ZNF23: variants seen among roughly 807,000 people sequenced by gnomAD.
The protein encoded by ZNF23 is kruppel-like zinc finger factor X31.
In ZNF23, 48 loss-of-function variants were observed where a neutral mutation model predicts 56.2. The observed-to-expected ratio is 0.85, with a 90% CI of 0.68 to 1.09. ZNF23 has a LOEUF of 1.09. ZNF23 is among the 50% of genes least tolerant of loss of function. The pLI, the probability that ZNF23 is intolerant of heterozygous loss-of-function variation, is 0.00. For missense variants in ZNF23, 805 were observed against 811.4 expected (o/e 0.99, Z 0.10); for synonymous variants, 266 against 283.3 (o/e 0.94, Z 0.61).
chr16:71,461,247 G>A (rs561601220), intron 1 of ZNF23, among the ~76,000 whole-genome samples: 15 of 152,142 alleles, frequency 9.9e-5, no homozygotes, highest in African/African-American at 3.6e-4. Context: ...TAATTGGGTG[G>A]TGTGTTCATG....
At chr16:71,460,135 G>GCAACAGCATTTAAA (rs2043388690) in intron 1 of ZNF23, among the ~76,000 whole-genome samples, 1 of 152,192 alleles carries the variant, frequency 6.6e-6, no homozygotes, top group Non-Finnish European at 1.5e-5. Context: ...TCGTTTAAAT[G>GCAACAGCATTTAAA]CAGTAGGCAA....
Position 71,448,645 on chromosome 16 carries a change from A to T in ZNF23, c.1509T>A (p.Asn503Lys). The T allele has an allele frequency of 6.2e-7, 1 of 1,614,036 alleles. No homozygotes were observed. Among genetic ancestry groups the T allele is most frequent in the Non-Finnish European group, 8.5e-7 (1 of 1,180,016 alleles). ...TTCTCTGATGCCGCATTAGTTTCCC[A>T]TTAACGCTGAAGGCCTTTCCACACT... ...CNECGKAFSV[N>K]GKLMRHQRIH... Residue 503 changes from asparagine (N) to lysine (K), a missense_variant, in exon 5 of 5, where the codon AAT becomes AAA. Coordinates refer to ENST00000647773, the MANE Select transcript of ZNF23 (RefSeq NM_001381984.1).
At position 71,450,204 on chromosome 16, in the gene ZNF23, T is replaced by G. The variant is rs113267752; in HGVS notation, c.269-319A>C. Reference sequence around the variant, plus strand: ...AAAGACAGATATATATATTTGTACATACCTAGAAAACTTCTAGAAGAATCC... The same window carrying G: ...AAAGACAGATATATATATTTGTACAGACCTAGAAAACTTCTAGAAGAATCC... On this transcript the variant is annotated intron_variant, in intron 4 of 4. Transcript: ENST00000647773. 141 of 192,598 alleles carry G rather than the reference T, an allele frequency of 7.3e-4. 1 individual carries two copies. The highest frequency in any genetic ancestry group is 2.8e-3 in the African/African-American group (119 of 42,854). 11.9% of individuals were successfully genotyped at this position (192,598 alleles called of 1,614,324 possible). A position where few individuals can be genotyped will look rare whatever the true frequency, so the allele number is the denominator to read the frequency against.
rs192993651 is a variant in ZNF23, at chr16:71,454,327, G to C, written c.34-159C>G. On this transcript the variant is annotated intron_variant, in intron 2 of 4. Transcript: ENST00000647773. ...ATCTCAGAAAAAAAATATCGAGAAA[G>C]TAAACTACAAAGTATCCACATTCTC... The C allele has an allele frequency of 3.0e-6, 3 of 991,186 alleles. No individual in the cohort carries two copies. In the East Asian group the frequency reaches 8.6e-5, roughly 28 times the overall value. The allele number at this position is 991,186 out of a possible 1,614,324, so 61.4% of individuals were successfully genotyped here. A position where few individuals can be genotyped will look rare whatever the true frequency, so the allele number is the denominator to read the frequency against.
rs2042985227 is a variant in ZNF23, at chr16:71,449,735, T to C, written c.419A>G (p.Asn140Ser). ...GGTGTTGCTCTTCTCCTTCTTTATATTTCCTGCTGAGTGGACTTCCTGTTG... is the reference window on the plus strand; with the variant it reads ...GGTGTTGCTCTTCTCCTTCTTTATACTTCCTGCTGAGTGGACTTCCTGTTG... ...EKQQEVHSAG[N>S]IKKEKSNTID... Residue 140 changes from asparagine to serine, a missense_variant, in exon 5 of 5, where the codon AAT becomes AGT. Asn to Ser is a conservative substitution (Grantham distance 46). Transcript: ENST00000647773. 2 of 1,614,096 alleles carry C rather than the reference T, an allele frequency of 1.2e-6. No individual in the cohort carries two copies. Among genetic ancestry groups the C allele is most frequent in the East Asian group, 4.5e-5 (2 of 44,886 alleles).
At chr16:71,455,854 T>C (rs1162799034) in intron 2 of ZNF23, among the ~76,000 whole-genome samples, 1 of 152,216 alleles carries the variant, frequency 6.6e-6, no homozygotes, top group East Asian at 1.9e-4. Context: ...AGCTGTCTTA[T>C]GGCTAAGCAG....
chr16:71,456,368 C>T (rs552636630), intron 2 of ZNF23, among the ~76,000 whole-genome samples: 1 of 152,156 alleles, frequency 6.6e-6, no homozygotes, highest in South Asian at 2.1e-4. Flanking sequence ...CTTCTCTGAT[C>T]AGGTCCTGCT....
Position 71,449,397 on chromosome 16 carries a change from T to C in ZNF23, c.757A>G (p.Lys253Glu). ...ECGKAFSINE[K>E]LIWHQRLHSG... is the part of the protein sequence containing the mutation. ...TGAAGTCTCTGATGCCAAATTAATT[T>C]CTCATTAATGCTGAAAGCTTTGCCA... The change falls in exon 5 of 5, where the codon AAA (lysine) becomes GAA (glutamate). Residue 253 changes from lysine to glutamate, a missense_variant. Physicochemically the swap from Lys to Glu is moderately conservative, Grantham distance 56 (BLOSUM62 1). Transcript: ENST00000647773. 1 of 1,614,252 alleles carries C rather than the reference T, an allele frequency of 6.2e-7. No individual in the cohort carries two copies. Among genetic ancestry groups the C allele is most frequent in the Admixed American group, 1.7e-5 (1 of 60,034 alleles).
chr16:71,454,259 G>A (rs1596999557), intron 2 of ZNF23, 91 bp from the exon 3 acceptor site: 3 of 1,473,170 alleles, frequency 2.0e-6, no homozygotes, highest in African/African-American at 2.8e-5. Flanking sequence ...CTTGGGGAGG[G>A]TGCTTGTGAG....
At chr16:71,453,795 G>A (rs2043133504) in intron 3 of ZNF23, 1 of 578,704 alleles carries the variant, frequency 1.7e-6, no homozygotes, top group African/African-American at 1.9e-5. Flanking sequence ...GGATTCCAGT[G>A]TTTCCAAAAC....
Position 71,461,465 on chromosome 16 carries a change from A to G in ZNF23, c.-33+745T>C, listed in dbSNP as rs139756975. On this transcript the variant is annotated intron_variant, in intron 1 of 4. Coordinates refer to ENST00000647773, the MANE Select transcript of ZNF23 (RefSeq NM_001381984.1). ...GAAAACAGTATTTTGACTAAATACC[A>G]TAAGAGTAAAGACAAAAAGACCTGT... is the stretch of plus-strand genomic sequence containing the variant. Among the ~76,000 whole-genome samples, 286 of 152,346 alleles carry G rather than the reference A, an allele frequency of 1.9e-3. 3 individuals are homozygous for G. The highest frequency in any genetic ancestry group is 6.2e-3 in the African/African-American group (259 of 41,574).
At position 71,447,945 on chromosome 16, in the gene ZNF23, C is replaced by T; in HGVS notation, c.*148G>A. ...TTTCTCTTTAACTGGTCATCCTTTC[C>T]TGATTTAAACTGAATAGAATAAAAA... On this transcript the variant is annotated 3_prime_UTR_variant, in exon 5 of 5. Coordinates refer to ENST00000647773, the MANE Select transcript of ZNF23 (RefSeq NM_001381984.1). 1 of 535,918 alleles carries T rather than the reference C, an allele frequency of 1.9e-6. No individual in the cohort carries two copies. The highest frequency in any genetic ancestry group is 4.9e-5 in the South Asian group (1 of 20,306). 33.2% of individuals were successfully genotyped at this position (535,918 alleles called of 1,614,324 possible). A position where few individuals can be genotyped will look rare whatever the true frequency, so the allele number is the denominator to read the frequency against.
chr16:71,456,822 G>A lies in ZNF23; in HGVS notation c.-26C>T. 1.0e-6 allele frequency: 1 copy of A among 983,636 alleles called. No homozygotes were observed. Among genetic ancestry groups the A allele is most frequent in the Non-Finnish European group, 1.2e-6 (1 of 827,954 alleles). The allele number at this position is 983,636 out of a possible 1,614,324, so 60.9% of individuals were successfully genotyped here. On this transcript the variant is annotated 5_prime_UTR_variant, in exon 2 of 5. Coordinates refer to ENST00000647773, the MANE Select transcript of ZNF23 (RefSeq NM_001381984.1). ...CCCCTGGTCCCCGTCTCAGAGAAGGGCTGGAGCTAAGGAGAAACACAAAGA... is the reference window on the plus strand; with the variant it reads ...CCCCTGGTCCCCGTCTCAGAGAAGGACTGGAGCTAAGGAGAAACACAAAGA...
chr16:71,450,973 C>A (rs2043038868), intron 4 of ZNF23: 1 of 181,864 alleles, frequency 5.5e-6, no homozygotes, highest in East Asian at 1.9e-4. Flanking sequence ...AATTTTGTTT[C>A]TTTCCTTAGA....
Position 71,448,413 on chromosome 16 carries a change from C to T in ZNF23, c.1741G>A (p.Glu581Lys), listed in dbSNP as rs781013946. The change falls in exon 5 of 5, where the codon GAG becomes AAG. Residue 581 changes from glutamate to lysine, a missense_variant. Glu to Lys is a moderately conservative substitution (Grantham distance 56). Transcript: ENST00000647773. ...GEKPFKCMEC[E>K]KAFSCSSNYI... Reference sequence around the variant, plus strand: ...TTAGAACTACAGCTGAATGCTTTCTCACATTCCATACATTTGAAAGGTTTC... The same window carrying T: ...TTAGAACTACAGCTGAATGCTTTCTTACATTCCATACATTTGAAAGGTTTC... The T allele has an allele frequency of 1.2e-6, 2 of 1,614,204 alleles. No homozygotes were observed. Among genetic ancestry groups the T allele is most frequent in the Non-Finnish European group, 1.7e-6 (2 of 1,180,004 alleles).
intron 1 of ZNF23, among the ~76,000 whole-genome samples, chr16:71,458,605 C>T (rs2043323535): frequency 6.6e-6 from 1 of 152,078 alleles, no homozygotes; most frequent in Non-Finnish European, 1.5e-5. Flanking sequence ...AAGGGTGGGA[C>T]TAAAGGTCCT....
intron 4 of ZNF23, 56 bp downstream of exon 4, chr16:71,453,187 G>C (rs983494081): frequency 7.6e-7 from 1 of 1,310,336 alleles, no homozygotes; most frequent in African/African-American, 1.5e-5. Context: ...GCTAAAGCTG[G>C]CTTTATGCCT....
At chr16:71,460,437 TCACAAA>T (rs1375839401) in intron 1 of ZNF23, among the ~76,000 whole-genome samples, 2 of 152,194 alleles carry the variant, frequency 1.3e-5, no homozygotes, top group Non-Finnish European at 2.9e-5. Context: ...GAACTAACTC[TCACAAA>T]ACACTGAGCT....
Position 71,448,589 on chromosome 16 carries a change from T to C in ZNF23, c.1565A>G (p.Asn522Ser). Residue 522 changes from asparagine to serine, a missense_variant, in exon 5 of 5, where the codon AAT (asparagine) becomes AGT (serine). By Grantham distance (46) the Asn-to-Ser change is conservative (BLOSUM62 1). Transcript: ENST00000647773. ...AGAAGTAAAGCATCTCCCACACTCA[T>C]TACATTCAAAAGGTTTCTCCCCAGT... ...IHTGEKPFEC[N>S]ECGRCFTSKR... 6.2e-6 allele frequency: 10 copies of C among 1,612,198 alleles called. No individual in the cohort carries two copies. The highest frequency in any genetic ancestry group is 8.5e-6 in the Non-Finnish European group (10 of 1,179,478).
Sources: gnomAD v4.1 joint callset for allele counts (sites outside exome capture counted in the v4.1 genomes callset) on GRCh38, gnomAD v4.1.1 for gene constraint, MANE v1.5 for transcripts, NCBI Gene and HGNC (gene_info 2026-07-23, HGNC 2026-07-21) for gene names.